The following EPHA3 variants were observed in gnomAD, a reference collection of about 807,000 sequenced individuals.
EPHA3 encodes ephrin type-A receptor 3.
A neutral mutation model predicts 107.1 loss-of-function variants in EPHA3; 42 were observed. The observed-to-expected ratio is 0.39, with a 90% CI of 0.31 to 0.51. EPHA3 has a LOEUF of 0.51. Among genes scored for constraint, EPHA3 ranks in the 20% least tolerant of loss-of-function variants. The probability of loss-of-function intolerance (pLI) is 0.78; values close to 1 mark genes in which losing one functional copy is unlikely to be tolerated. For synonymous variants in EPHA3, 461 were observed against 424.8 expected (o/e 1.09, Z -1.05); for missense variants, 1,183 against 1,211.2 (o/e 0.98, Z 0.35).
intron 2 of EPHA3, among the ~76,000 whole-genome samples, chr3:89,141,181 A>T (rs1391992118): frequency 6.6e-6 from 1 of 151,622 alleles, no homozygotes; most frequent in Non-Finnish European, 1.5e-5. Flanking sequence ...CTTAAAGTTT[A>T]GTGGAAAAGA....
chr3:89,124,660 A>G (rs931957890), intron 1 of EPHA3, among the ~76,000 whole-genome samples: 1 of 152,024 alleles, frequency 6.6e-6, no homozygotes, highest in African/African-American at 2.4e-5. Flanking sequence ...ACGAGAAGGA[A>G]GTCTGTACAG....
chr3:89,136,216 C>G (rs1209623203), intron 2 of EPHA3, among the ~76,000 whole-genome samples: 1 of 150,696 alleles, frequency 6.6e-6, no homozygotes, highest in Non-Finnish European at 1.5e-5. Context: ...TTCTTGGTCA[C>G]TTGAAATTTT....
At chr3:89,281,451 A>T (rs1260933984) in intron 3 of EPHA3, among the ~76,000 whole-genome samples, 3 of 152,096 alleles carry the variant, frequency 2.0e-5, no homozygotes, top group Admixed American at 2.0e-4. Context: ...TGAAATGGAA[A>T]CCTGCTCTAA....
chr3:89,429,595 A>G (rs1709522761), intron 12 of EPHA3, among the ~76,000 whole-genome samples: 1 of 152,190 alleles, frequency 6.6e-6, no homozygotes, highest in African/African-American at 2.4e-5. Context: ...AGCATGTGCT[A>G]TAATGCTAAA....
chr3:89,400,170 T>C (rs1708929108), intron 7 of EPHA3: 1 of 631,058 alleles, frequency 1.6e-6, no homozygotes. Flanking sequence ...TGATTTTACT[T>C]AACTCATTTT....
intron 13 of EPHA3, among the ~76,000 whole-genome samples, chr3:89,434,286 C>G (rs557958272): frequency 6.6e-6 from 1 of 152,190 alleles, no homozygotes; most frequent in South Asian, 2.1e-4. Flanking sequence ...GGCGCAGTGT[C>G]GGTTCACTGC....
At chr3:89,396,746 A>C (rs1451059351) in intron 6 of EPHA3, among the ~76,000 whole-genome samples, 1 of 152,186 alleles carries the variant, frequency 6.6e-6, no homozygotes, top group African/African-American at 2.4e-5. Flanking sequence ...TTGTGTATCT[A>C]CTTCAGTTTA....
intron 11 of EPHA3, among the ~76,000 whole-genome samples, chr3:89,425,209 C>CAA (rs201001215): frequency 1.3e-4 from 19 of 148,594 alleles, no homozygotes; most frequent in African/African-American, 2.7e-4. Context: ...AAGAAACCCA[C>CAA]AAAAAAAAAT....
At chr3:89,245,904 G>A (rs889321795) in intron 3 of EPHA3, among the ~76,000 whole-genome samples, 31 of 152,258 alleles carry the variant, frequency 2.0e-4, no homozygotes, top group African/African-American at 5.3e-4. Flanking sequence ...ATAAGGTTAC[G>A]TAAAGCCCTG....
intron 13 of EPHA3, among the ~76,000 whole-genome samples, chr3:89,443,605 C>G (rs1411532108): frequency 1.3e-5 from 2 of 152,110 alleles, no homozygotes; most frequent in Non-Finnish European, 2.9e-5. Context: ...TTAGAAAAAT[C>G]TACTTTCCCA....
At chr3:89,386,012 G>A (rs542016103) in intron 5 of EPHA3, among the ~76,000 whole-genome samples, 15 of 152,276 alleles carry the variant, frequency 9.9e-5, no homozygotes, top group African/African-American at 2.6e-4. Context: ...CCCTGCCCTC[G>A]AGATCAGCAG....
intron 3 of EPHA3, among the ~76,000 whole-genome samples, chr3:89,311,647 C>T (rs1446770799): frequency 1.3e-5 from 2 of 151,986 alleles, no homozygotes; most frequent in Admixed American, 1.3e-4. Context: ...TGGTCCAAGC[C>T]ATCAACTGTC....
intron 2 of EPHA3, among the ~76,000 whole-genome samples, chr3:89,129,321 T>C (rs1323294975): frequency 1.3e-5 from 2 of 152,148 alleles, no homozygotes; most frequent in African/African-American, 2.4e-5. Context: ...CTTGCAACTG[T>C]GATTTTCCTA....
At chr3:89,186,364 C>G (rs149638234) in intron 2 of EPHA3, among the ~76,000 whole-genome samples, 1,512 of 147,784 alleles carry the variant, frequency 0.01, 12 homozygotes, top group East Asian at 0.027. Context: ...AATACATGTC[C>G]TTGGTTTAAA....
At chr3:89,127,178 A>C in intron 1 of EPHA3, 31 bp from the exon 2 acceptor site, 1 of 1,537,788 alleles carries the variant, frequency 6.5e-7, no homozygotes. Context: ...CACTGTTATT[A>C]ACTGTGTTTG....
chr3:89,261,136 C>T (rs558718590), intron 3 of EPHA3, among the ~76,000 whole-genome samples: 7 of 152,334 alleles, frequency 4.6e-5, no homozygotes, highest in African/African-American at 1.7e-4. Flanking sequence ...CTATTAGACT[C>T]AGTCTTCAAG....
intron 13 of EPHA3, among the ~76,000 whole-genome samples, chr3:89,445,611 C>T (rs552050712): frequency 1.3e-5 from 2 of 152,242 alleles, no homozygotes; most frequent in African/African-American, 4.8e-5. Context: ...TTTGTAATAA[C>T]ATGTCCAAAA....
At chr3:89,244,569 G>C (rs1704987850) in intron 3 of EPHA3, among the ~76,000 whole-genome samples, 1 of 151,954 alleles carries the variant, frequency 6.6e-6, no homozygotes, top group Non-Finnish European at 1.5e-5. Flanking sequence ...TATGAATTTA[G>C]TAATTATAAA....
At chr3:89,146,037 C>A (rs1448294390) in intron 2 of EPHA3, among the ~76,000 whole-genome samples, 1 of 151,862 alleles carries the variant, frequency 6.6e-6, no homozygotes, top group Non-Finnish European at 1.5e-5. Flanking sequence ...TCTGTGCTTT[C>A]AGTTACCAGA....
Sources: gnomAD v4.1 joint callset for allele counts (sites outside exome capture counted in the v4.1 genomes callset) on GRCh38, gnomAD v4.1.1 for gene constraint, MANE v1.5 for transcripts, NCBI Gene and HGNC (gene_info 2026-07-23, HGNC 2026-07-21) for gene names.